Variants in DOK6 observed in about 807,000 individuals in gnomAD.
DOK6 encodes the protein docking protein 6, also known as downstream of tyrosine kinase 6.
Under a neutral mutation model 44.0 loss-of-function variants are expected in DOK6, and 22 were observed. The observed-to-expected ratio is 0.50, with a 90% CI of 0.36 to 0.71. The LOEUF is 0.71. Among genes scored for constraint, DOK6 ranks in the 30% least tolerant of loss-of-function variants. The pLI is 0.00. For synonymous variants in DOK6, 166 were observed against 145.5 expected (o/e 1.14, Z -1.01); for missense variants, 340 against 416.4 (o/e 0.82, Z 1.60).
chr18:69,549,059 G>A (rs1461160474), intron 1 of DOK6, among the ~76,000 whole-genome samples: 2 of 147,388 alleles, frequency 1.4e-5, no homozygotes, highest in Non-Finnish European at 3.0e-5. Context: ...TCGCGCCACT[G>A]CACATCAGCC....
intron 2 of DOK6, among the ~76,000 whole-genome samples, chr18:69,593,349 G>A (rs1465854708): frequency 6.6e-6 from 1 of 151,566 alleles, no homozygotes; most frequent in Non-Finnish European, 1.5e-5. Context: ...GCCAGCCTGG[G>A]CCACAGAACA....
At chr18:69,668,646 CTA>C (rs1985718740) in intron 3 of DOK6, among the ~76,000 whole-genome samples, 1 of 152,020 alleles carries the variant, frequency 6.6e-6, no homozygotes, top group Non-Finnish European at 1.5e-5. Context: ...CAGTAGTTCT[CTA>C]TGGACTTTTG....
At chr18:69,480,210 A>G (rs563122562) in intron 1 of DOK6, among the ~76,000 whole-genome samples, 4 of 151,348 alleles carry the variant, frequency 2.6e-5, no homozygotes, top group Non-Finnish European at 5.9e-5. Context: ...TATGGACTCT[A>G]TCATTTTAAA....
At chr18:69,500,954 C>T (rs1206465589) in intron 1 of DOK6, among the ~76,000 whole-genome samples, 1 of 151,668 alleles carries the variant, frequency 6.6e-6, no homozygotes, top group Non-Finnish European at 1.5e-5. Flanking sequence ...TGCCAACAAA[C>T]ATTTGGTTTT....
At chr18:69,768,096 C>T (rs1486504796) in intron 7 of DOK6, among the ~76,000 whole-genome samples, 1 of 152,118 alleles carries the variant, frequency 6.6e-6, no homozygotes, top group Non-Finnish European at 1.5e-5. Context: ...AAGTAACATA[C>T]TGAGTTCTCT....
At chr18:69,497,509 C>T (rs189065744) in intron 1 of DOK6, among the ~76,000 whole-genome samples, 174 of 152,256 alleles carry the variant, frequency 1.1e-3, no homozygotes, top group Admixed American at 3.6e-3. Context: ...GTCTGTGGAA[C>T]GGTGATGTCT....
chr18:69,730,397 A>G (rs570581676), intron 5 of DOK6, among the ~76,000 whole-genome samples: 63 of 152,360 alleles, frequency 4.1e-4, no homozygotes, highest in African/African-American at 1.5e-3. Flanking sequence ...AGCAGGAGAA[A>G]CAGAAGTGGT....
At chr18:69,692,216 A>AAC (rs886703143) in intron 4 of DOK6, among the ~76,000 whole-genome samples, 2 of 152,154 alleles carry the variant, frequency 1.3e-5, no homozygotes, top group Non-Finnish European at 2.9e-5. Context: ...GAAGAGGAGA[A>AAC]ACTTCCATTT....
At chr18:69,415,410 G>A (rs1038619509) in intron 1 of DOK6, among the ~76,000 whole-genome samples, 3 of 151,988 alleles carry the variant, frequency 2.0e-5, no homozygotes, top group African/African-American at 4.8e-5. Context: ...TTGATTGATG[G>A]GCTGTCAATT....
chr18:69,527,705 T>C (rs1981869740), intron 1 of DOK6, among the ~76,000 whole-genome samples: 1 of 152,226 alleles, frequency 6.6e-6, no homozygotes, highest in Non-Finnish European at 1.5e-5. Flanking sequence ...TACTGATTTG[T>C]ACAAAAAGGA....
intron 4 of DOK6, among the ~76,000 whole-genome samples, chr18:69,691,956 G>C (rs1045856111): frequency 6.6e-6 from 1 of 152,134 alleles, no homozygotes; most frequent in East Asian, 1.9e-4. Context: ...GCCTCAAAGA[G>C]AGCGGTAGCA....
rs916310761 is a variant in DOK6, at chr18:69,843,669, T to C, written c.*2286T>C. 1 of 152,230 alleles carries C rather than the reference T, an allele frequency of 6.6e-6. No homozygotes were observed. Among genetic ancestry groups the C allele is most frequent in the African/African-American group, 2.4e-5 (1 of 41,462 alleles). The allele number at this position is 152,230 out of a possible 1,614,324, so 9.4% of individuals were successfully genotyped here. A position where few individuals can be genotyped will look rare whatever the true frequency, so the allele number is the denominator to read the frequency against. The stretch of plus-strand genomic sequence containing the variant: ...TATGTAATTGCTTCAAGAACTCCAT[T>C]TGGTTCTGATCATTACCAATGAATA... On this transcript the variant is annotated 3_prime_UTR_variant, in exon 8 of 8. Coordinates refer to ENST00000382713, the MANE Select transcript of DOK6 (RefSeq NM_152721.6).
At chr18:69,744,407 G>C (rs1190159061) in intron 6 of DOK6, among the ~76,000 whole-genome samples, 1 of 151,390 alleles carries the variant, frequency 6.6e-6, no homozygotes, top group Non-Finnish European at 1.5e-5. Context: ...CATAAGATTA[G>C]AGCTTTTGAT....
chr18:69,410,670 T>G (rs1310692936), intron 1 of DOK6, among the ~76,000 whole-genome samples: 2 of 152,196 alleles, frequency 1.3e-5, no homozygotes, highest in Non-Finnish European at 2.9e-5. Context: ...CAGGCTCTCT[T>G]GATACATGAC....
Position 69,829,798 on chromosome 18 carries a change from A to G in DOK6, c.857-11446A>G, listed in dbSNP as rs147989512. Among the ~76,000 whole-genome samples, 200 of 152,074 alleles carry G rather than the reference A, an allele frequency of 1.3e-3. 1 individual carries two copies. The highest frequency in any genetic ancestry group is 4.6e-3 in the African/African-American group (193 of 41,566). ...AAAAAAAAAAGAAATTAACAAAACAATGAGATGTAGTTTTTTGTATTCAAC... is the reference window on the plus strand; with the variant it reads ...AAAAAAAAAAGAAATTAACAAAACAGTGAGATGTAGTTTTTTGTATTCAAC... On this transcript the variant is annotated intron_variant, in intron 7 of 7. Coordinates refer to ENST00000382713, the MANE Select transcript of DOK6 (RefSeq NM_152721.6).
intron 1 of DOK6, among the ~76,000 whole-genome samples, chr18:69,433,140 G>T (rs72955489): frequency 0.13 from 20,266 of 152,166 alleles, 1,691 homozygotes; most frequent in South Asian, 0.28. Flanking sequence ...GTGTTCTAAT[G>T]CATTTGAATC....
intron 7 of DOK6, among the ~76,000 whole-genome samples, chr18:69,827,629 C>G (rs938543531): frequency 2.0e-5 from 3 of 152,098 alleles, no homozygotes; most frequent in Non-Finnish European, 4.4e-5. Context: ...GGACTAAATG[C>G]AAGCTTAACC....
intron 1 of DOK6, among the ~76,000 whole-genome samples, chr18:69,554,326 G>A (rs935658681): frequency 6.6e-6 from 1 of 152,156 alleles, no homozygotes; most frequent in Non-Finnish European, 1.5e-5. Flanking sequence ...GATTACGATG[G>A]AAGCCACTTT....
intron 1 of DOK6, among the ~76,000 whole-genome samples, chr18:69,476,083 G>A (rs8096723): frequency 0.77 from 117,691 of 151,896 alleles, 45,817 homozygotes; most frequent in African/African-American, 0.82. Flanking sequence ...TGCTGTTGCC[G>A]TCTTTATATC....
Sources: allele counts gnomAD v4.1 joint callset (sites outside exome capture counted in the v4.1 genomes callset), GRCh38; gene constraint gnomAD v4.1.1; transcripts MANE v1.5; gene names NCBI Gene and HGNC (gene_info 2026-07-23, HGNC 2026-07-21).